SUPT3H: variants seen among roughly 807,000 people sequenced by gnomAD.
SUPT3H encodes SPT3 homolog, SAGA and STAGA complex component.
In SUPT3H, 44 loss-of-function variants were observed where a neutral mutation model predicts 44.3. The observed-to-expected ratio is 0.99, with a 90% confidence interval of 0.78 to 1.28. SUPT3H has a LOEUF of 1.28. SUPT3H is among the 50% of genes most tolerant of loss of function. SUPT3H has a pLI of 0.00. For missense variants in SUPT3H, 380 were observed against 387.1 expected (o/e 0.98, Z 0.15); for synonymous variants, 124 against 125.6 (o/e 0.99, Z 0.09).
At chr6:44,887,088 C>G (rs975451134) in intron 10 of SUPT3H, among the ~76,000 whole-genome samples, 17 of 152,230 alleles carry the variant, frequency 1.1e-4, no homozygotes, top group African/African-American at 4.1e-4. Flanking sequence ...TATATATGCA[C>G]CCAAGACAGG....
intron 10 of SUPT3H, among the ~76,000 whole-genome samples, chr6:44,929,306 A>AT (rs1770159779): frequency 6.6e-6 from 1 of 152,198 alleles, no homozygotes; most frequent in Non-Finnish European, 1.5e-5. Flanking sequence ...CTAAAAGCAG[A>AT]TTTTTAAATA....
chr6:45,282,254 T>C (rs948644856), intron 2 of SUPT3H, among the ~76,000 whole-genome samples: 3 of 151,946 alleles, frequency 2.0e-5, no homozygotes, highest in Admixed American at 6.6e-5. Context: ...CTTTGACAAG[T>C]TGAGAGAAGA....
At chr6:44,852,560 C>T (rs936534314) in intron 10 of SUPT3H, among the ~76,000 whole-genome samples, 3 of 152,118 alleles carry the variant, frequency 2.0e-5, no homozygotes, top group Admixed American at 6.5e-5. Context: ...ACTTTCCTTA[C>T]CCTCTTCCCA....
intron 2 of SUPT3H, among the ~76,000 whole-genome samples, chr6:45,115,201 T>A (rs1315365979): frequency 6.6e-6 from 1 of 151,644 alleles, no homozygotes; most frequent in Non-Finnish European, 1.5e-5. Flanking sequence ...TCAGAGAGAG[T>A]CAAGAAAGTT....
chr6:45,011,208 A>G (rs547512526), intron 5 of SUPT3H, among the ~76,000 whole-genome samples: 5 of 152,216 alleles, frequency 3.3e-5, no homozygotes, highest in Admixed American at 3.3e-4. Context: ...TTTTCATATC[A>G]GGCTCAATCT....
At chr6:45,268,206 C>G (rs568985238) in intron 2 of SUPT3H, among the ~76,000 whole-genome samples, 4 of 152,268 alleles carry the variant, frequency 2.6e-5, no homozygotes, top group Admixed American at 1.3e-4. Flanking sequence ...ACATGACAGA[C>G]TCAGAGACCC....
intron 2 of SUPT3H, among the ~76,000 whole-genome samples, chr6:45,110,990 A>G (rs1265496191): frequency 6.6e-6 from 1 of 152,148 alleles, no homozygotes; most frequent in Non-Finnish European, 1.5e-5. Flanking sequence ...AAATAAACAC[A>G]AAAGAGAAAT....
chr6:45,193,931 G>A (rs1247082544), intron 2 of SUPT3H, among the ~76,000 whole-genome samples: 2 of 152,098 alleles, frequency 1.3e-5, no homozygotes, highest in Non-Finnish European at 2.9e-5. Context: ...TTTAAAATGT[G>A]TCTTAGTTTA....
intron 10 of SUPT3H, among the ~76,000 whole-genome samples, chr6:44,894,745 A>G (rs1763853810): frequency 6.6e-6 from 1 of 151,716 alleles, no homozygotes; most frequent in Non-Finnish European, 1.5e-5. Flanking sequence ...AAAGTATTAT[A>G]TATTTATTAT....
At chr6:45,337,099 T>C (rs996736892) in intron 2 of SUPT3H, among the ~76,000 whole-genome samples, 2 of 151,682 alleles carry the variant, frequency 1.3e-5, no homozygotes, top group Non-Finnish European at 3.0e-5. Flanking sequence ...ACATAGGAGA[T>C]ATACATATGC....
chr6:44,879,602 G>A (rs921107220), intron 10 of SUPT3H, among the ~76,000 whole-genome samples: 3 of 148,982 alleles, frequency 2.0e-5, no homozygotes, highest in Non-Finnish European at 4.5e-5. Flanking sequence ...CTCCTCAAGT[G>A]GGGCCCTGAC....
At chr6:44,914,433 A>G (rs184613845) in intron 10 of SUPT3H, among the ~76,000 whole-genome samples, 3 of 152,352 alleles carry the variant, frequency 2.0e-5, no homozygotes, top group Admixed American at 6.5e-5. Context: ...TGGTTAGGGT[A>G]GTACATAACT....
At chr6:45,340,656 T>G (rs981565076) in intron 2 of SUPT3H, among the ~76,000 whole-genome samples, 1 of 152,056 alleles carries the variant, frequency 6.6e-6, no homozygotes, top group Non-Finnish European at 1.5e-5. Context: ...AAAAAAAGTT[T>G]CAAGGAATTA....
intron 2 of SUPT3H, among the ~76,000 whole-genome samples, chr6:45,123,183 T>C (rs1290525043): frequency 1.3e-5 from 2 of 152,176 alleles, no homozygotes; most frequent in Admixed American, 6.5e-5. Context: ...TCCTGAAGGC[T>C]GAGGAATGCA....
At chr6:44,811,641 C>G (rs1017457709) in intron 11 of SUPT3H, among the ~76,000 whole-genome samples, 1 of 152,228 alleles carries the variant, frequency 6.6e-6, no homozygotes, top group African/African-American at 2.4e-5. Flanking sequence ...CTGACAGGTT[C>G]TAGCTTGTCT....
At chr6:45,024,202 GTATGT>G (rs1325473866) in intron 3 of SUPT3H, among the ~76,000 whole-genome samples, 2 of 152,126 alleles carry the variant, frequency 1.3e-5, no homozygotes, top group Non-Finnish European at 2.9e-5. Flanking sequence ...TACATTTTAA[GTATGT>G]TATAATACTT....
intron 9 of SUPT3H, among the ~76,000 whole-genome samples, chr6:44,942,360 G>C (rs950284083): frequency 6.6e-6 from 1 of 152,172 alleles, no homozygotes; most frequent in South Asian, 2.1e-4. Flanking sequence ...AACTGGAAAC[G>C]GTAGTATGTA....
chr6:45,075,916 C>A (rs1326991194), intron 3 of SUPT3H, among the ~76,000 whole-genome samples: 1 of 151,926 alleles, frequency 6.6e-6, no homozygotes, highest in East Asian at 1.9e-4. Context: ...ATAATAAATG[C>A]CATGTGTCAA....
chr6:44,864,267 C>G (rs1289093078), intron 10 of SUPT3H, among the ~76,000 whole-genome samples: 1 of 152,206 alleles, frequency 6.6e-6, no homozygotes, highest in Non-Finnish European at 1.5e-5. Flanking sequence ...TGGGTAAATA[C>G]AGCCATTCCA....
Sources: allele counts gnomAD v4.1 joint callset (sites outside exome capture counted in the v4.1 genomes callset), GRCh38; gene constraint gnomAD v4.1.1; transcripts MANE v1.5; gene names NCBI Gene and HGNC (gene_info 2026-07-23, HGNC 2026-07-21).